NELL1: variants seen among roughly 807,000 people sequenced by gnomAD.
NELL1 encodes neural EGFL like 1.
A neutral mutation model predicts 107.4 loss-of-function variants in NELL1; 76 were observed. The ratio of observed to expected loss-of-function variants is 0.71; its 90% CI spans 0.59 to 0.86. The LOEUF (loss-of-function observed/expected upper bound fraction) is 0.86. Ranked by LOEUF, NELL1 falls within the 40% of genes least tolerant of loss-of-function variation. NELL1 has a pLI of 0.00. For missense variants in NELL1, 1,024 were observed against 1,005.5 expected, an observed-to-expected ratio of 1.02 and a Z score of -0.25; for synonymous variants, 353 against 341.2, an observed-to-expected ratio of 1.03 and a Z score of -0.38.
chr11:21,410,731 G>A (rs909799271), intron 15 of NELL1, among the ~76,000 whole-genome samples: 4 of 151,960 alleles, frequency 2.6e-5, no homozygotes, highest in Non-Finnish European at 5.9e-5. Context: ...TTATCTCAGT[G>A]GAGAGAATAT....
chr11:21,440,016 C>T (rs1853237585), intron 15 of NELL1, among the ~76,000 whole-genome samples: 1 of 151,996 alleles, frequency 6.6e-6, no homozygotes, highest in African/African-American at 2.4e-5. Context: ...AAAGGCATGA[C>T]TAAAATAAAG....
intron 13 of NELL1, among the ~76,000 whole-genome samples, chr11:21,204,464 T>C (rs1457010429): frequency 6.6e-6 from 1 of 151,924 alleles, no homozygotes; most frequent in Non-Finnish European, 1.5e-5. Context: ...CTCCATCAGG[T>C]CATTTATGTT....
intron 15 of NELL1, among the ~76,000 whole-genome samples, chr11:21,437,653 C>A (rs1853159516): frequency 6.6e-6 from 1 of 152,234 alleles, no homozygotes; most frequent in African/African-American, 2.4e-5. Flanking sequence ...GCCACTGTGC[C>A]TGGCTGAGCT....
chr11:20,747,354 A>T (rs1191924270), intron 2 of NELL1, among the ~76,000 whole-genome samples: 1 of 152,202 alleles, frequency 6.6e-6, no homozygotes. Context: ...GGTCAGCAAG[A>T]TAACTAGGTC....
At chr11:21,500,376 C>A (rs1470150376) in intron 15 of NELL1, among the ~76,000 whole-genome samples, 2 of 152,014 alleles carry the variant, frequency 1.3e-5, no homozygotes, top group East Asian at 1.9e-4. Flanking sequence ...TAGATTATTT[C>A]TAAATTCTCT....
At chr11:20,857,168 C>T (rs1343416274) in intron 4 of NELL1, among the ~76,000 whole-genome samples, 1 of 152,172 alleles carries the variant, frequency 6.6e-6, no homozygotes, top group Non-Finnish European at 1.5e-5. Context: ...GCCAGCCTTG[C>T]AGGCCAGGGA....
rs767976458 is a variant in NELL1, at chr11:21,560,389, C to T, written c.1980+7C>T. 6.4e-7 allele frequency: 1 copy of T among 1,556,716 alleles called. No individual in the cohort carries two copies. Among genetic ancestry groups the T allele is most frequent in the Admixed American group, 2.0e-5 (1 of 50,512 alleles). On this transcript the variant is annotated splice_region_variant and intron_variant, in intron 17 of 19. Transcript: ENST00000357134. ...TTCTGTCTGCTCCTGCAAGGTGAGG[C>T]TGATGTGGTGCAGCAGAAATTGAAA...
chr11:21,528,470 CTT>C (rs113113444), intron 15 of NELL1, among the ~76,000 whole-genome samples: 47,062 of 144,740 alleles, frequency 0.33, 8,028 homozygotes, highest in Middle Eastern at 0.42. Context: ...GTTTCTCTCT[CTT>C]GTTTCCTCTC....
chr11:20,905,102 A>AGTGTTG (rs1365475730), intron 5 of NELL1, among the ~76,000 whole-genome samples: 1 of 151,532 alleles, frequency 6.6e-6, no homozygotes, highest in East Asian at 1.9e-4. Flanking sequence ...AGCCTATCAG[A>AGTGTTG]GTGTTGGGAT....
At chr11:21,570,195 C>A (rs76632957) in intron 17 of NELL1, among the ~76,000 whole-genome samples, 1 of 151,676 alleles carries the variant, frequency 6.6e-6, no homozygotes, top group African/African-American at 2.4e-5. Context: ...AACTTTAAGG[C>A]GATCTTGCCA....
At chr11:21,285,465 C>T (rs1257549217) in intron 14 of NELL1, among the ~76,000 whole-genome samples, 1 of 152,226 alleles carries the variant, frequency 6.6e-6, no homozygotes, top group Non-Finnish European at 1.5e-5. Context: ...GGACAACATA[C>T]AGCAGAGCTG....
chr11:21,472,783 A>G (rs1215521461), intron 15 of NELL1, among the ~76,000 whole-genome samples: 1 of 151,864 alleles, frequency 6.6e-6, no homozygotes, highest in Non-Finnish European at 1.5e-5. Flanking sequence ...AAATGTTCCT[A>G]ATAATTCACT....
chr11:20,770,054 C>T (rs958634443), intron 2 of NELL1, among the ~76,000 whole-genome samples: 8 of 152,124 alleles, frequency 5.3e-5, no homozygotes, highest in Admixed American at 1.3e-4. Context: ...CCCTAGGACA[C>T]GCAAGAACCA....
At chr11:20,702,653 A>G (rs958044123) in intron 2 of NELL1, among the ~76,000 whole-genome samples, 1 of 152,142 alleles carries the variant, frequency 6.6e-6, no homozygotes, top group Non-Finnish European at 1.5e-5. Flanking sequence ...GGTTTGTCAT[A>G]AAAAGCTCTT....
rs1855296202 is a variant in NELL1, at chr11:20,718,138, A to G, written c.184+40078A>G. Among the ~76,000 whole-genome samples the G allele has an allele frequency of 2.0e-5, 3 of 152,208 alleles. 1 individual carries two copies. In the South Asian group the frequency reaches 6.2e-4, roughly 32 times the overall value. On this transcript the variant is annotated intron_variant, in intron 2 of 19. Transcript: ENST00000357134. ...TAACCAAGGTCACTTTCTGCTTCTA[A>G]AAATGAAATTGGTTATTCCAGAGCA...
chr11:21,218,332 CG>C (rs770485190), intron 13 of NELL1, among the ~76,000 whole-genome samples: 51 of 152,078 alleles, frequency 3.4e-4, no homozygotes, highest in Non-Finnish European at 6.6e-4. Context: ...AAAGATTTCT[CG>C]ATCAATTTTT....
chr11:21,460,578 A>G (rs7945802), intron 15 of NELL1, among the ~76,000 whole-genome samples: 48,499 of 151,870 alleles, frequency 0.32, 9,135 homozygotes, highest in Middle Eastern at 0.43. Context: ...TGGGGGAACT[A>G]CTCTTAAATA....
chr11:20,966,257 A>G (rs1400376), intron 12 of NELL1, among the ~76,000 whole-genome samples: 26,100 of 152,100 alleles, frequency 0.17, 2,503 homozygotes, highest in Middle Eastern at 0.28. Context: ...ATCACAGGTG[A>G]AAGGCAGAAG....
intron 13 of NELL1, among the ~76,000 whole-genome samples, chr11:21,167,841 CT>C (rs1856519143): frequency 6.6e-6 from 1 of 151,716 alleles, no homozygotes; most frequent in Admixed American, 6.6e-5. Context: ...TAGATCACAG[CT>C]TAAAATCACC....
Sources: gnomAD v4.1 joint callset for allele counts (sites outside exome capture counted in the v4.1 genomes callset) on GRCh38, gnomAD v4.1.1 for gene constraint, MANE v1.5 for transcripts, NCBI Gene and HGNC (gene_info 2026-07-23, HGNC 2026-07-21) for gene names.